STAG3: variants seen among roughly 807,000 people sequenced by gnomAD.
The protein encoded by STAG3 is cohesin subunit SA-3.
STAG3 carries 101 observed loss-of-function variants against 160.7 expected under a neutral mutation model. The observed-to-expected ratio is 0.63, with a 90% confidence interval of 0.54 to 0.74. STAG3 has a LOEUF of 0.74. Ranked by LOEUF, STAG3 falls within the 30% of genes least tolerant of loss-of-function variation. The pLI is 0.00. For synonymous variants in STAG3, 519 were observed against 585.0 expected (o/e 0.89, Z 1.63); for missense variants, 1,188 against 1,517.4 (o/e 0.78, Z 3.61).
chr7:100,202,392 C>G lies in STAG3; in HGVS notation c.2563+52C>G, dbSNP rs563157647. 1.4e-5 allele frequency: 23 copies of G among 1,609,446 alleles called. No homozygotes were observed. In the South Asian group the frequency reaches 2.4e-4, roughly 17 times the overall value. The stretch of plus-strand genomic sequence containing the variant: ...AGTAAGGGCTGGGGCTTGGGTGTAG[C>G]TCAGAAATATAGGGCAGGAAGCTTA... On this transcript the variant is annotated intron_variant, in intron 24 of 33. Transcript: ENST00000615138.
intron 26 of STAG3, 26 bp from the exon 27 acceptor site, chr7:100,204,601 A>G (rs1239105968): frequency 6.2e-7 from 1 of 1,607,016 alleles, no homozygotes; most frequent in Non-Finnish European, 8.5e-7. Flanking sequence ...TCCCTTTCCC[A>G]CATGCACCAT....
chr7:100,182,857 C>T lies in STAG3; in HGVS notation c.336+18C>T. ...ACATGCAGGTAAAGCAGTGTCTCAC[C>T]TCTGTTGATACCATCTCACTTTTTG... On this transcript the variant is annotated intron_variant, in intron 4 of 33. Coordinates refer to ENST00000615138, the MANE Select transcript of STAG3 (RefSeq NM_001282717.2). The T allele has an allele frequency of 6.2e-7, 1 of 1,613,502 alleles. No homozygotes were observed. The highest frequency in any genetic ancestry group is 1.3e-5 in the African/African-American group (1 of 74,990).
At chr7:100,213,203 G>A in intron 32 of STAG3, 1 of 599,118 alleles carries the variant, frequency 1.7e-6, no homozygotes, top group Non-Finnish European at 2.1e-6. Flanking sequence ...CATGAGGGCT[G>A]CACCCCTATG....
chr7:100,198,059 A>C, intron 11 of STAG3, 28 bp from the exon 12 acceptor site: 1 of 1,611,166 alleles, frequency 6.2e-7, no homozygotes, highest in Non-Finnish European at 8.5e-7. Flanking sequence ...GTGTAATGAG[A>C]TATTGAGTGA....
rs935918628 is a variant in STAG3, at chr7:100,204,998, A to T, written c.2952-7A>T. ...CTTTCTTCCTAAAATAATTCTGCCC[A>T]ACCAAGGGAAGGCATCCAGTTCTCC... On this transcript the variant is annotated splice_polypyrimidine_tract_variant and splice_region_variant and intron_variant, in intron 27 of 33. Coordinates refer to ENST00000615138, the MANE Select transcript of STAG3 (RefSeq NM_001282717.2). The T allele has an allele frequency of 3.1e-6, 5 of 1,612,942 alleles. No individual in the cohort carries two copies. The highest frequency in any genetic ancestry group is 4.2e-6 in the Non-Finnish European group (5 of 1,179,422).
intron 1 of STAG3, among the ~76,000 whole-genome samples, chr7:100,178,846 T>TTG (rs35103755): frequency 6.6e-6 from 1 of 151,652 alleles, no homozygotes; most frequent in Non-Finnish European, 1.5e-5. Flanking sequence ...TTTTTTTTTT[T>TTG]GAGACAGAGT....
At chr7:100,187,820 G>A (rs6465765) in intron 5 of STAG3, among the ~76,000 whole-genome samples, 43,603 of 148,910 alleles carry the variant, frequency 0.29, 7,041 homozygotes, top group East Asian at 0.62. Flanking sequence ...GCAGTAGTGC[G>A]ATCTCAGCTT....
chr7:100,209,938 C>T (rs1450877877), intron 29 of STAG3, among the ~76,000 whole-genome samples: 1 of 152,102 alleles, frequency 6.6e-6, no homozygotes, highest in Non-Finnish European at 1.5e-5. Context: ...CACAGGATTA[C>T]AGGTGGAGAT....
intron 1 of STAG3, among the ~76,000 whole-genome samples, chr7:100,178,710 G>A (rs1799436467): frequency 6.6e-6 from 1 of 151,902 alleles, no homozygotes; most frequent in South Asian, 2.1e-4. Flanking sequence ...ATAGGCGGGA[G>A]CACTGTGCAC....
chr7:100,211,420 C>G lies in STAG3; in HGVS notation c.3414-15C>G. The G allele has an allele frequency of 1.2e-6, 2 of 1,612,104 alleles. No homozygotes were observed. The highest frequency in any genetic ancestry group is 1.7e-6 in the Non-Finnish European group (2 of 1,179,154). ...CTTGATTTTTATCCCATCATTGATC[C>G]TGCTTCATTCCCAGCAGTCAGCCCG... On this transcript the variant is annotated splice_polypyrimidine_tract_variant and intron_variant, in intron 30 of 33. Coordinates refer to ENST00000615138, the MANE Select transcript of STAG3 (RefSeq NM_001282717.2).
At chr7:100,199,927 G>A (rs533544154) in intron 16 of STAG3, among the ~76,000 whole-genome samples, 54 of 151,358 alleles carry the variant, frequency 3.6e-4, no homozygotes, top group East Asian at 1.9e-3. Context: ...TTAGCTGGGC[G>A]TGGTAGCGGG....
chr7:100,202,710 TAGG>T, intron 25 of STAG3, 120 bp downstream of exon 25: 1 of 1,339,774 alleles, frequency 7.5e-7, no homozygotes, highest in Non-Finnish European at 1.0e-6. Context: ...AAAGGAGAAG[TAGG>T]AGGGAAAGGC....
chr7:100,197,439 G>A, intron 10 of STAG3, 160 bp downstream of exon 10: 2 of 984,886 alleles, frequency 2.0e-6, no homozygotes, highest in Non-Finnish European at 3.2e-6. Context: ...ACTGGGGAGA[G>A]TAGGATAAGG....
At chr7:100,213,966 T>C in intron 33 of STAG3, 41 bp from the exon 34 acceptor site, 1 of 1,614,156 alleles carries the variant, frequency 6.2e-7, no homozygotes, top group South Asian at 1.1e-5. Context: ...CATTGGCCCG[T>C]TGCTGTGTCC....
intron 31 of STAG3, 23 bp downstream of exon 31, chr7:100,211,562 T>G (rs1423353963): frequency 2.5e-6 from 4 of 1,608,800 alleles, no homozygotes; most frequent in South Asian, 1.1e-5. Context: ...CATCATCTCC[T>G]GTCTTCACTT....
rs912531300 is a variant in STAG3, at chr7:100,195,050, C to T, written c.868-259C>T. Among the ~76,000 whole-genome samples the T allele has an allele frequency of 3.3e-5, 5 of 152,264 alleles. No homozygotes were observed. The South Asian group carries it at 1.0e-3, about 32-fold the overall frequency. ...AAAGCGAGATACACCTGTATAATGC[C>T]AGCTAGGGCTTCTGAATAGTCCGAA... On this transcript the variant is annotated intron_variant, in intron 8 of 33. Coordinates refer to ENST00000615138, the MANE Select transcript of STAG3 (RefSeq NM_001282717.2).
Position 100,211,178 on chromosome 7 carries a change from G to A in STAG3, c.3406G>A (p.Ala1136Thr), listed in dbSNP as rs1421862123. 7.2e-7 allele frequency: 1 copy of A among 1,396,974 alleles called. No homozygotes were observed. The highest frequency in any genetic ancestry group is 9.5e-7 in the Non-Finnish European group (1 of 1,047,830). 86.5% of individuals were successfully genotyped at this position (1,396,974 alleles called of 1,614,324 possible). A position where few individuals can be genotyped will look rare whatever the true frequency, so the allele number is the denominator to read the frequency against. Residue 1136 changes from alanine to threonine, a missense_variant, in exon 30 of 34, where the codon GCC (alanine) becomes ACC (threonine). By Grantham distance (58) the Ala-to-Thr change is moderately conservative. Around this residue, in one of 4 missense-constraint regions of STAG3, gnomAD observed 647 missense variants for 717.2 expected, o/e 0.90. Transcript: ENST00000615138. ...AGAAGATGGCTCAGAGTTGGATTTT[G>A]CCCAGGGGTGAGGCCATGGAGGGAA... ...EEEDGSELDF[A>T]QGSQPVAGTE...
downstream of STAG3, among the ~76,000 whole-genome samples, chr7:100,217,736 A>G (rs1283302927): frequency 3.9e-5 from 6 of 152,132 alleles, no homozygotes; most frequent in Non-Finnish European, 8.8e-5. Flanking sequence ...CCTTTTAGGT[A>G]GCCGAGGCGG....
At position 100,204,636 on chromosome 7, in the gene STAG3, G is replaced by A; in HGVS notation, c.2812G>A (p.Glu938Lys). The change falls in exon 27 of 34, where the codon GAA becomes AAA. Residue 938 changes from glutamate (E) to lysine (K), a missense_variant. Physicochemically the swap from Glu to Lys is moderately conservative, Grantham distance 56. Around this residue, in one of 4 missense-constraint regions of STAG3, gnomAD observed 647 missense variants for 717.2 expected, o/e 0.90. Transcript: ENST00000615138. ...LLLSLKQLYT[E>K]LLQEHGPQGL... is the part of the protein sequence containing the mutation. ...TGTCTCCTGGACACAGCTGTACACA[G>A]AACTGCTGCAGGAGCATGGGCCCCA... 1 of 1,614,106 alleles carries A rather than the reference G, an allele frequency of 6.2e-7. No homozygotes were observed. The highest frequency in any genetic ancestry group is 8.5e-7 in the Non-Finnish European group (1 of 1,180,012).
Sources: gnomAD v4.1 joint callset for allele counts (sites outside exome capture counted in the v4.1 genomes callset) on GRCh38, gnomAD v4.1.1 for gene constraint, gnomAD v4.1.1 regional missense constraint, MANE v1.5 for transcripts, NCBI Gene and HGNC (gene_info 2026-07-23, HGNC 2026-07-21) for gene names.